Variants in FOXP2 observed in about 807,000 individuals in gnomAD.
FOXP2 encodes forkhead box P2.
FOXP2 carries 12 observed loss-of-function variants against 115.8 expected under a neutral mutation model. That is an observed-to-expected ratio of 0.10 (90% CI 0.07 to 0.17). The LOEUF is 0.17. Ranked by LOEUF, FOXP2 falls within the 10% of genes least tolerant of loss-of-function variation. The pLI is 1.00. For missense variants in FOXP2, 629 were observed against 843.5 expected (o/e 0.75, Z 3.15); for synonymous variants, 328 against 297.7 (o/e 1.10, Z -1.05).
intron 2 of FOXP2, among the ~76,000 whole-genome samples, chr7:114,359,717 G>A (rs923208896): frequency 1.1e-4 from 17 of 152,192 alleles, no homozygotes; most frequent in African/African-American, 3.9e-4. Flanking sequence ...ACTTGCATGC[G>A]GCCTGCAGCC....
At chr7:114,326,057 A>G (rs547144058) in intron 2 of FOXP2, among the ~76,000 whole-genome samples, 1 of 152,244 alleles carries the variant, frequency 6.6e-6, no homozygotes, top group Non-Finnish European at 1.5e-5. Context: ...CAATCGTAAG[A>G]GGTGCTAACA....
At chr7:114,224,118 T>C (rs1468412302) in intron 1 of FOXP2, among the ~76,000 whole-genome samples, 1 of 152,148 alleles carries the variant, frequency 6.6e-6, no homozygotes, top group Non-Finnish European at 1.5e-5. Flanking sequence ...ATTATTTCCA[T>C]TTATATCTGG....
intron 1 of FOXP2, among the ~76,000 whole-genome samples, chr7:114,184,957 G>A (rs1255293587): frequency 1.3e-5 from 2 of 152,126 alleles, no homozygotes. Flanking sequence ...TTTCTGCCAT[G>A]AAGTCTGTTG....
intron 3 of FOXP2, among the ~76,000 whole-genome samples, chr7:114,558,659 A>C (rs1323155503): frequency 6.6e-6 from 1 of 151,952 alleles, no homozygotes; most frequent in Non-Finnish European, 1.5e-5. Context: ...TCTTTACCCC[A>C]CCCCGTCTCC....
intron 1 of FOXP2, among the ~76,000 whole-genome samples, chr7:114,120,594 AAG>A (rs1433902688): frequency 6.6e-6 from 1 of 152,008 alleles, no homozygotes; most frequent in African/African-American, 2.4e-5. Context: ...AGAGATATAA[AAG>A]AGGTGACAAT....
chr7:114,208,772 GCT>G (rs1352530534), intron 1 of FOXP2, among the ~76,000 whole-genome samples: 1 of 151,900 alleles, frequency 6.6e-6, no homozygotes, highest in Non-Finnish European at 1.5e-5. Flanking sequence ...TCCTCCACAA[GCT>G]CTCTCTCTCT....
At chr7:114,360,430 C>T (rs1476083935) in intron 2 of FOXP2, among the ~76,000 whole-genome samples, 2 of 152,086 alleles carry the variant, frequency 1.3e-5, no homozygotes, top group Admixed American at 1.3e-4. Context: ...AAGTGTTTTG[C>T]CTTGATTTCT....
intron 2 of FOXP2, among the ~76,000 whole-genome samples, chr7:114,432,124 T>C (rs1405012922): frequency 6.6e-6 from 1 of 151,980 alleles, no homozygotes; most frequent in East Asian, 1.9e-4. Flanking sequence ...CAACATTTAT[T>C]GTATTTGTCA....
chr7:114,477,223 G>C (rs576748520), intron 2 of FOXP2, among the ~76,000 whole-genome samples: 1 of 151,962 alleles, frequency 6.6e-6, no homozygotes, highest in South Asian at 2.1e-4. Context: ...TCATTGTTAC[G>C]CTATTCACAA....
chr7:114,642,385 A>G, intron 6 of FOXP2, 25 bp from the exon 7 acceptor site: 1 of 1,588,928 alleles, frequency 6.3e-7, no homozygotes, highest in East Asian at 2.2e-5. Flanking sequence ...TTGTTATGCT[A>G]GTGAAGCTTT....
At chr7:114,661,266 G>A (rs973429495) in intron 13 of FOXP2, among the ~76,000 whole-genome samples, 1 of 151,874 alleles carries the variant, frequency 6.6e-6, no homozygotes, top group Non-Finnish European at 1.5e-5. Context: ...GAAAATACTC[G>A]ATGTAAATTA....
intron 3 of FOXP2, among the ~76,000 whole-genome samples, chr7:114,608,471 A>T (rs547468403): frequency 6.6e-6 from 1 of 152,342 alleles, no homozygotes; most frequent in African/African-American, 2.4e-5. Context: ...GTCTGCTGAA[A>T]TGGAGTCTTG....
chr7:114,220,494 C>T (rs187502541), intron 1 of FOXP2, among the ~76,000 whole-genome samples: 18 of 152,174 alleles, frequency 1.2e-4, no homozygotes, highest in Non-Finnish European at 1.5e-5. Flanking sequence ...TTCTGTTTTA[C>T]TCATAATGAG....
intron 3 of FOXP2, chr7:114,571,028 T>G (rs765939397): frequency 4.2e-5 from 31 of 737,338 alleles, no homozygotes; most frequent in Non-Finnish European, 5.2e-5. Context: ...AAGATACAGA[T>G]GTAATTAGTT....
At chr7:114,213,877 C>T (rs1794419564) in intron 1 of FOXP2, among the ~76,000 whole-genome samples, 2 of 152,128 alleles carry the variant, frequency 1.3e-5, no homozygotes, top group African/African-American at 4.8e-5. Flanking sequence ...TTGAACCACA[C>T]CAGAGCTCTG....
chr7:114,167,091 A>G (rs949022905), intron 1 of FOXP2, among the ~76,000 whole-genome samples: 1 of 152,242 alleles, frequency 6.6e-6, no homozygotes, highest in Admixed American at 6.5e-5. Flanking sequence ...GTTGAACTCC[A>G]AATTAGCTGA....
chr7:114,521,123 T>C (rs1239931637), intron 2 of FOXP2, among the ~76,000 whole-genome samples: 1 of 152,128 alleles, frequency 6.6e-6, no homozygotes, highest in Non-Finnish European at 1.5e-5. Context: ...TGTATGGTGT[T>C]TGCCTAAATA....
At chr7:114,153,900 T>C (rs1792590081) in intron 1 of FOXP2, among the ~76,000 whole-genome samples, 1 of 152,140 alleles carries the variant, frequency 6.6e-6, no homozygotes, top group South Asian at 2.1e-4. Context: ...TTGTAAGCCC[T>C]CCTTGATGTG....
intron 2 of FOXP2, among the ~76,000 whole-genome samples, chr7:114,470,888 C>T (rs1796015125): frequency 6.6e-6 from 1 of 151,954 alleles, no homozygotes; most frequent in African/African-American, 2.4e-5. Flanking sequence ...TTAAACTGGA[C>T]CTGAAGTTCC....
Sources: allele counts gnomAD v4.1 joint callset (sites outside exome capture counted in the v4.1 genomes callset), GRCh38; gene constraint gnomAD v4.1.1; transcripts MANE v1.5; gene names NCBI Gene and HGNC (gene_info 2026-07-23, HGNC 2026-07-21).